The following DTNA variants were observed in gnomAD, a reference collection of about 807,000 sequenced individuals.
DTNA encodes the protein dystrobrevin alpha, also known as dystrophin-related protein 3.
DTNA carries 43 observed loss-of-function variants against 100.7 expected under a neutral mutation model. The observed-to-expected ratio is 0.43, with a 90% CI of 0.33 to 0.55. DTNA has a LOEUF of 0.55. Among genes scored for constraint, DTNA ranks in the 20% least tolerant of loss-of-function variants. DTNA has a pLI of 0.04. For missense variants in DTNA, 798 were observed against 953.9 expected (o/e 0.84, Z 2.15); for synonymous variants, 349 against 347.9 (o/e 1.00, Z -0.04).
chr18:34,873,122 G>A (rs186132290), intron 17 of DTNA, among the ~76,000 whole-genome samples: 5 of 152,324 alleles, frequency 3.3e-5, no homozygotes, highest in Admixed American at 3.3e-4. Flanking sequence ...ATTACCACTT[G>A]TACCACTGTA....
At chr18:34,776,886 C>T (rs1420012284) in intron 3 of DTNA, among the ~76,000 whole-genome samples, 1 of 152,218 alleles carries the variant, frequency 6.6e-6, no homozygotes, top group Non-Finnish European at 1.5e-5. Flanking sequence ...CCTTACTTCA[C>T]TGGGAACATA....
At chr18:34,606,490 G>T (rs1465171328) in intron 1 of DTNA, among the ~76,000 whole-genome samples, 3 of 152,154 alleles carry the variant, frequency 2.0e-5, no homozygotes, top group Non-Finnish European at 4.4e-5. Flanking sequence ...GCATATTGGA[G>T]TAAGACATTC....
chr18:34,875,501 T>C, intron 18 of DTNA, 103 bp downstream of exon 18: 6 of 1,539,726 alleles, frequency 3.9e-6, no homozygotes, highest in Admixed American at 3.6e-5. Context: ...GTGACTATTG[T>C]AGGGTCTTTC....
intron 1 of DTNA, among the ~76,000 whole-genome samples, chr18:34,592,701 G>A (rs2049878081): frequency 6.6e-6 from 1 of 151,896 alleles, no homozygotes; most frequent in African/African-American, 2.4e-5. Flanking sequence ...GCAAGCAGGC[G>A]GCATGATGAT....
intron 1 of DTNA, among the ~76,000 whole-genome samples, chr18:34,638,613 T>C (rs2058912588): frequency 6.6e-6 from 1 of 152,236 alleles, no homozygotes; most frequent in South Asian, 2.1e-4. Context: ...GAGGACATCT[T>C]GGTTCCTATA....
At chr18:34,500,964 A>G (rs190870082) in intron 1 of DTNA, among the ~76,000 whole-genome samples, 1 of 152,332 alleles carries the variant, frequency 6.6e-6, no homozygotes, top group Non-Finnish European at 1.5e-5. Flanking sequence ...TTCTTGTCCT[A>G]TTGCACTGGC....
At chr18:34,609,513 G>C (rs1399456794) in intron 1 of DTNA, among the ~76,000 whole-genome samples, 2 of 152,024 alleles carry the variant, frequency 1.3e-5, no homozygotes, top group Non-Finnish European at 2.9e-5. Context: ...CAAAGTGCTG[G>C]GATTACAGGC....
chr18:34,804,886 A>G (rs2095321068), intron 4 of DTNA, among the ~76,000 whole-genome samples: 1 of 152,212 alleles, frequency 6.6e-6, no homozygotes. Context: ...TAAAAATGAC[A>G]GCGACAGTGA....
chr18:34,882,541 G>T (rs867076145), intron 21 of DTNA, among the ~76,000 whole-genome samples: 26 of 151,912 alleles, frequency 1.7e-4, no homozygotes, highest in Admixed American at 1.2e-3. Context: ...GTTAATTTTT[G>T]TATTTTTTAG....
At chr18:34,795,181 T>A (rs2094916949) in intron 4 of DTNA, among the ~76,000 whole-genome samples, 1 of 152,200 alleles carries the variant, frequency 6.6e-6, no homozygotes, top group Non-Finnish European at 1.5e-5. Flanking sequence ...AGGTTTTACT[T>A]AGTCTCATTG....
chr18:34,623,521 G>A (rs188373467), intron 1 of DTNA, among the ~76,000 whole-genome samples: 1 of 152,282 alleles, frequency 6.6e-6, no homozygotes, highest in Non-Finnish European at 1.5e-5. Context: ...AGTTTCAGGA[G>A]CTCAAGGGCA....
intron 1 of DTNA, among the ~76,000 whole-genome samples, chr18:34,679,952 A>G (rs2077864769): frequency 6.6e-6 from 1 of 152,194 alleles, no homozygotes; most frequent in African/African-American, 2.4e-5. Flanking sequence ...AAAATATAAA[A>G]TGTATTTAAT....
intron 1 of DTNA, among the ~76,000 whole-genome samples, chr18:34,523,322 G>GTTCCT (rs2042316224): frequency 1.3e-5 from 2 of 152,120 alleles, no homozygotes; most frequent in African/African-American, 4.8e-5. Flanking sequence ...AACTGCTGAA[G>GTTCCT]GTGACTATAT....
intron 1 of DTNA, among the ~76,000 whole-genome samples, chr18:34,679,961 A>G (rs1035148401): frequency 6.4e-4 from 98 of 152,320 alleles, no homozygotes; most frequent in African/African-American, 2.1e-3. Context: ...AATGTATTTA[A>G]TATCAGTGTA....
At chr18:34,821,004 C>A in intron 9 of DTNA, 89 bp downstream of exon 9, 1 of 1,573,290 alleles carries the variant, frequency 6.4e-7, no homozygotes, top group South Asian at 1.1e-5. Flanking sequence ...TATCAGTGGT[C>A]AGCAACCAAG....
At position 34,891,025 on chromosome 18, in the gene DTNA, G is replaced by A. The variant is rs2096962123; in HGVS notation, c.*3291G>A. 1 of 152,548 alleles carries A rather than the reference G, an allele frequency of 6.6e-6. No individual in the cohort carries two copies. The highest frequency in any genetic ancestry group is 1.5e-5 in the Non-Finnish European group (1 of 68,064). 9.4% of individuals were successfully genotyped at this position (152,548 alleles called of 1,614,324 possible). A position where few individuals can be genotyped will look rare whatever the true frequency, so the allele number is the denominator to read the frequency against. On this transcript the variant is annotated 3_prime_UTR_variant, in exon 23 of 23. Coordinates refer to ENST00000444659, the MANE Select transcript of DTNA (RefSeq NM_001386795.1). ...CGATTCCACGCAAGGAGCCACAAGTGAGAACTCCACTGTCCTTAGAAGAAA... is the reference window on the plus strand; with the variant it reads ...CGATTCCACGCAAGGAGCCACAAGTAAGAACTCCACTGTCCTTAGAAGAAA...
At chr18:34,515,551 G>A (rs1456225642) in intron 1 of DTNA, among the ~76,000 whole-genome samples, 2 of 151,922 alleles carry the variant, frequency 1.3e-5, no homozygotes, top group Non-Finnish European at 2.9e-5. Flanking sequence ...TTGTATTGTG[G>A]GGCATCCTGA....
At chr18:34,838,701 A>G in intron 12 of DTNA, 44 bp from the exon 13 acceptor site, 1 of 1,541,834 alleles carries the variant, frequency 6.5e-7, no homozygotes, top group Middle Eastern at 1.7e-4. Context: ...ATTTCTGTCC[A>G]CCTCTCTTAA....
chr18:34,525,232 G>A (rs183752645), intron 1 of DTNA, among the ~76,000 whole-genome samples: 13 of 152,158 alleles, frequency 8.5e-5, no homozygotes, highest in Admixed American at 8.5e-4. Flanking sequence ...GACATCAGGG[G>A]CCCCAGAGGT....
Sources: allele counts gnomAD v4.1 joint callset (sites outside exome capture counted in the v4.1 genomes callset), GRCh38; gene constraint gnomAD v4.1.1; transcripts MANE v1.5; gene names NCBI Gene and HGNC (gene_info 2026-07-23, HGNC 2026-07-21).